Variants in SMIM14 observed in about 807,000 individuals in gnomAD.
SMIM14 encodes small integral membrane protein 14, also known as chromosome 4 open reading frame 34.
Under a neutral mutation model 12.6 loss-of-function variants are expected in SMIM14, and 5 were observed. The ratio of observed to expected loss-of-function variants is 0.40; its 90% CI spans 0.21 to 0.83. The LOEUF (loss-of-function observed/expected upper bound fraction) is 0.83. SMIM14 is among the 40% of genes least tolerant of loss of function. SMIM14 has a pLI of 0.37. For missense variants in SMIM14, 86 were observed against 119.1 expected, an observed-to-expected ratio of 0.72 and a Z score of 1.29; for synonymous variants, 30 against 40.1, an observed-to-expected ratio of 0.75 and a Z score of 0.95.
At position 39,547,504 on chromosome 4, in the gene SMIM14, A is replaced by G. The variant is rs1560277380; in HGVS notation, c.*4622T>C. ...GCTTTTAACAAACTAATCTTCACAC[A>G]TGGTAACAAATACCTATGATTTTTC... On this transcript the variant is annotated 3_prime_UTR_variant, in exon 5 of 5. Transcript: ENST00000295958. 6.6e-6 allele frequency: 1 copy of G among 152,252 alleles called. No homozygotes were observed. Among genetic ancestry groups the G allele is most frequent in the Non-Finnish European group, 1.5e-5 (1 of 68,040 alleles). 9.4% of individuals were successfully genotyped at this position (152,252 alleles called of 1,614,324 possible). A position where few individuals can be genotyped will look rare whatever the true frequency, so the allele number is the denominator to read the frequency against.
rs998470413 is a variant in SMIM14 at position 39,576,549 on chromosome 4, GCT to G, written c.76-4088_76-4087del. Among the ~76,000 whole-genome samples the G allele has an allele frequency of 5.3e-5, 8 of 149,806 alleles. No individual in the cohort carries two copies. The South Asian group carries it at 1.1e-3, about 20-fold the overall frequency. ...CATGTAGTTAACCTCAGAACCAAAT[GCT>G]CTCTACAAAGGCTCAGATCATCACA... On this transcript the variant is annotated intron_variant, in intron 2 of 4. Coordinates refer to ENST00000295958, the MANE Select transcript of SMIM14 (RefSeq NM_174921.3).
chr4:39,609,182 A>G (rs998589468), intron 1 of SMIM14, among the ~76,000 whole-genome samples: 6 of 152,040 alleles, frequency 3.9e-5, no homozygotes, highest in South Asian at 4.2e-4. Flanking sequence ...GTGTTTCACC[A>G]TGTTAGCCAG....
At chr4:39,617,977 C>G (rs918034583) in intron 1 of SMIM14, among the ~76,000 whole-genome samples, 2 of 152,142 alleles carry the variant, frequency 1.3e-5, no homozygotes, top group African/African-American at 2.4e-5. Context: ...CAAGGTGCAT[C>G]TGCAATCAAA....
At chr4:39,576,381 T>A (rs1483692218) in intron 2 of SMIM14, among the ~76,000 whole-genome samples, 1 of 151,380 alleles carries the variant, frequency 6.6e-6, no homozygotes, top group African/African-American at 2.4e-5. Context: ...TACAAGATAG[T>A]AAAGATCAAG....
chr4:39,626,082 C>T (rs940059806), intron 1 of SMIM14, among the ~76,000 whole-genome samples: 1 of 152,104 alleles, frequency 6.6e-6, no homozygotes, highest in Non-Finnish European at 1.5e-5. Context: ...ATCAGATCAG[C>T]GGTGGCATTA....
chr4:39,638,727 G>A lies in SMIM14; in HGVS notation c.-36+12C>T, dbSNP rs949953473. ...GCCAGCAAACGCTGGTGGGAGAGGG[G>A]GAGACACTCACCCGCCCAGACAACA... On this transcript the variant is annotated intron_variant, in intron 1 of 4. Transcript: ENST00000295958. The A allele has an allele frequency of 7.1e-6, 7 of 985,264 alleles. No individual in the cohort carries two copies. Among genetic ancestry groups the A allele is most frequent in the Non-Finnish European group, 8.4e-6 (7 of 829,956 alleles). 61.0% of individuals were successfully genotyped at this position (985,264 alleles called of 1,614,324 possible).
intron 1 of SMIM14, among the ~76,000 whole-genome samples, chr4:39,632,637 T>C (rs1715947162): frequency 6.6e-6 from 1 of 150,980 alleles, no homozygotes; most frequent in African/African-American, 2.4e-5. Flanking sequence ...CTACAAAAAA[T>C]ACAAAAATTA....
At chr4:39,570,111 T>C (rs533096672) in intron 3 of SMIM14, among the ~76,000 whole-genome samples, 1 of 152,228 alleles carries the variant, frequency 6.6e-6, no homozygotes, top group Non-Finnish European at 1.5e-5. Flanking sequence ...TCCCATGTGA[T>C]GCCACACACA....
At chr4:39,562,009 T>TTAACTATC (rs144900975) in intron 3 of SMIM14, among the ~76,000 whole-genome samples, 14,376 of 152,054 alleles carry the variant, frequency 0.095, 1,093 homozygotes, top group South Asian at 0.26. Flanking sequence ...CGTAGTTCCC[T>TTAACTATC]TAACTATCTC....
At chr4:39,574,760 G>A (rs1713077950) in intron 2 of SMIM14, among the ~76,000 whole-genome samples, 1 of 152,044 alleles carries the variant, frequency 6.6e-6, no homozygotes, top group Non-Finnish European at 1.5e-5. Flanking sequence ...AACAACTATT[G>A]GAATTAACAA....
Position 39,546,854 on chromosome 4 carries a change from A to G in SMIM14, c.*5272T>C, listed in dbSNP as rs1350478763. The G allele has an allele frequency of 6.6e-6, 1 of 152,230 alleles. No individual in the cohort carries two copies. Among genetic ancestry groups the G allele is most frequent in the African/African-American group, 2.4e-5 (1 of 41,462 alleles). The allele number at this position is 152,230 out of a possible 1,614,324, so 9.4% of individuals were successfully genotyped here. A position where few individuals can be genotyped will look rare whatever the true frequency, so the allele number is the denominator to read the frequency against. On this transcript the variant is annotated 3_prime_UTR_variant, in exon 5 of 5. Transcript: ENST00000295958. The stretch of plus-strand genomic sequence containing the variant: ...TTACTATTTTTACATGTATATGAGT[A>G]TTCATGACCTTTAATGTCTGGACAC...
intron 2 of SMIM14, among the ~76,000 whole-genome samples, chr4:39,583,133 G>A (rs1015754030): frequency 2.0e-5 from 3 of 152,028 alleles, no homozygotes; most frequent in Non-Finnish European, 2.9e-5. Context: ...CTGTTGCCCT[G>A]GCTGGTGTGC....
intron 1 of SMIM14, among the ~76,000 whole-genome samples, chr4:39,628,338 A>G (rs1441825831): frequency 6.6e-6 from 1 of 151,640 alleles, no homozygotes; most frequent in Non-Finnish European, 1.5e-5. Context: ...AATTCTACCC[A>G]AGAATATTTA....
intron 2 of SMIM14, among the ~76,000 whole-genome samples, chr4:39,575,379 A>G (rs1371077114): frequency 6.6e-6 from 1 of 151,986 alleles, no homozygotes; most frequent in Non-Finnish European, 1.5e-5. Context: ...AATTTTAATG[A>G]AATAGAAACA....
Position 39,552,029 on chromosome 4 carries a change from A to T in SMIM14, c.*97T>A. 3 of 966,370 alleles carry T rather than the reference A, an allele frequency of 3.1e-6. No homozygotes were observed. Among genetic ancestry groups the T allele is most frequent in the Non-Finnish European group, 4.5e-6 (3 of 661,906 alleles). The allele number at this position is 966,370 out of a possible 1,614,324, so 59.9% of individuals were successfully genotyped here. On this transcript the variant is annotated 3_prime_UTR_variant, in exon 5 of 5. Transcript: ENST00000295958. ...TACCATCCCATATTGCAGATACAAA[A>T]GGAAAAACAGTTCTAATGGGGTTAA...
intron 1 of SMIM14, among the ~76,000 whole-genome samples, chr4:39,606,137 G>C (rs888673472): frequency 1.4e-4 from 21 of 151,540 alleles, no homozygotes; most frequent in African/African-American, 3.6e-4. Flanking sequence ...CTTGAGCCCA[G>C]GAGTTTGAGA....
chr4:39,632,844 CT>C (rs1236653487), intron 1 of SMIM14, among the ~76,000 whole-genome samples: 1 of 149,578 alleles, frequency 6.7e-6, no homozygotes, highest in Admixed American at 6.7e-5. Context: ...AAAGAAAAAC[CT>C]TTATGTCTCA....
rs557139131 is a variant in SMIM14, at chr4:39,566,544, G to A, written c.124+5871C>T. On this transcript the variant is annotated intron_variant, in intron 3 of 4. Coordinates refer to ENST00000295958, the MANE Select transcript of SMIM14 (RefSeq NM_174921.3). ...CCGAGAAAGAAGACAGCAGATAGCCGCAATGCAGCCAGGCACAATGGCTCA... is the reference window on the plus strand; with the variant it reads ...CCGAGAAAGAAGACAGCAGATAGCCACAATGCAGCCAGGCACAATGGCTCA... Among the ~76,000 whole-genome samples, 20 of 152,176 alleles carry A rather than the reference G, an allele frequency of 1.3e-4. No individual in the cohort carries two copies. In the South Asian group the frequency reaches 3.3e-3, roughly 25 times the overall value.
At chr4:39,596,554 T>A (rs1180936325) in intron 2 of SMIM14, among the ~76,000 whole-genome samples, 1 of 152,196 alleles carries the variant, frequency 6.6e-6, no homozygotes, top group South Asian at 2.1e-4. Context: ...AGTTTCCTTA[T>A]CTGTAAAAAG....
Sources: gnomAD v4.1 joint callset for allele counts (sites outside exome capture counted in the v4.1 genomes callset) on GRCh38, gnomAD v4.1.1 for gene constraint, MANE v1.5 for transcripts, NCBI Gene and HGNC (gene_info 2026-07-23, HGNC 2026-07-21) for gene names.